Variants in MNAT1 observed in about 807,000 individuals in gnomAD.
MNAT1 encodes the protein MNAT1 component of CDK activating kinase.
Under a neutral mutation model 42.0 loss-of-function variants are expected in MNAT1, and 43 were observed. The observed-to-expected ratio is 1.02, with a 90% confidence interval of 0.80 to 1.32. The LOEUF (loss-of-function observed/expected upper bound fraction) is 1.32. Ranked by LOEUF, MNAT1 falls within the 40% of genes most tolerant of loss-of-function variation. MNAT1 has a pLI of 0.00. For synonymous variants in MNAT1, 118 were observed against 120.0 expected (o/e 0.98, Z 0.11); for missense variants, 306 against 350.4 (o/e 0.87, Z 1.01).
chr14:60,838,816 C>T (rs545028814), intron 6 of MNAT1, among the ~76,000 whole-genome samples: 1 of 152,252 alleles, frequency 6.6e-6, no homozygotes, highest in East Asian at 1.9e-4. Context: ...TGCTGCCTGG[C>T]CTTTTCCTGC....
At position 60,798,141 on chromosome 14, in the gene MNAT1, G is replaced by C. The variant is rs1253873335; in HGVS notation, c.297G>C (p.Leu99Phe). The C allele has an allele frequency of 2.0e-6, 3 of 1,505,972 alleles. No homozygotes were observed. The highest frequency in any genetic ancestry group is 2.8e-6 in the Non-Finnish European group (3 of 1,084,842). The allele number at this position is 1,505,972 out of a possible 1,614,324, so 93.3% of individuals were successfully genotyped here. Residue 99 changes from leucine (L) to phenylalanine (F), a missense_variant, in exon 3 of 8, where the codon TTG becomes TTC. By Grantham distance (22) the Leu-to-Phe change is conservative (BLOSUM62 0). Coordinates refer to ENST00000261245, the MANE Select transcript of MNAT1 (RefSeq NM_002431.4). ...FPSLREYNDF[L>F]EEVEEIVFNL... ...GTCTAAGAGAATACAATGATTTCTT[G>C]GAAGAAGTGGAAGAAATTGGTACGT...
chr14:60,835,878 C>T (rs376393964), intron 6 of MNAT1, among the ~76,000 whole-genome samples: 23 of 152,140 alleles, frequency 1.5e-4, no homozygotes, highest in Admixed American at 1.3e-3. Context: ...ACCAGTCAAA[C>T]GTAGGTTTGG....
intron 1 of MNAT1, among the ~76,000 whole-genome samples, chr14:60,745,415 C>T (rs1179400532): frequency 6.6e-6 from 1 of 151,990 alleles, no homozygotes; most frequent in Non-Finnish European, 1.5e-5. Flanking sequence ...CTATATGTAC[C>T]TCTTGCTTTT....
chr14:60,964,016 C>T (rs1566582725), intron 7 of MNAT1, among the ~76,000 whole-genome samples: 3 of 152,036 alleles, frequency 2.0e-5, no homozygotes, highest in Non-Finnish European at 4.4e-5. Flanking sequence ...GAGCTGAGTC[C>T]AAGACTTCAG....
At chr14:60,841,267 C>G (rs1242480790) in intron 6 of MNAT1, among the ~76,000 whole-genome samples, 7 of 151,656 alleles carry the variant, frequency 4.6e-5, no homozygotes, top group African/African-American at 1.7e-4. Flanking sequence ...TTTTTCTAGT[C>G]TATATTTTAT....
intron 1 of MNAT1, among the ~76,000 whole-genome samples, chr14:60,770,895 T>C (rs1455541980): frequency 6.6e-6 from 1 of 152,204 alleles, no homozygotes; most frequent in Non-Finnish European, 1.5e-5. Context: ...TGTTATATAG[T>C]ATTCCATTGT....
At chr14:60,875,908 T>C (rs1352005457) in intron 6 of MNAT1, among the ~76,000 whole-genome samples, 1 of 152,070 alleles carries the variant, frequency 6.6e-6, no homozygotes, top group Non-Finnish European at 1.5e-5. Flanking sequence ...GACCTTGCTG[T>C]CTAATTTCTG....
intron 1 of MNAT1, among the ~76,000 whole-genome samples, chr14:60,756,092 C>A (rs983807984): frequency 1.3e-4 from 20 of 152,014 alleles, no homozygotes; most frequent in Admixed American, 9.2e-4. Context: ...CTTTTTATTT[C>A]TTTCATTATG....
At chr14:60,911,354 G>A (rs1395566646) in intron 7 of MNAT1, among the ~76,000 whole-genome samples, 2 of 151,978 alleles carry the variant, frequency 1.3e-5, no homozygotes, top group African/African-American at 2.4e-5. Context: ...GTTATGTCTT[G>A]CCTTCTGCTA....
intron 7 of MNAT1, among the ~76,000 whole-genome samples, chr14:60,917,155 C>T (rs2035538154): frequency 6.6e-6 from 1 of 152,036 alleles, no homozygotes; most frequent in African/African-American, 2.4e-5. Flanking sequence ...GTTTAGGGAA[C>T]ATACTTTTAA....
intron 1 of MNAT1, among the ~76,000 whole-genome samples, chr14:60,769,817 T>C (rs1461048767): frequency 2.6e-5 from 4 of 151,942 alleles, no homozygotes. Context: ...TGGCTAGTTT[T>C]TAAAATGTGT....
At chr14:60,833,337 T>G (rs2033279734) in intron 6 of MNAT1, among the ~76,000 whole-genome samples, 1 of 152,188 alleles carries the variant, frequency 6.6e-6, no homozygotes, top group Non-Finnish European at 1.5e-5. Flanking sequence ...CTCTTGTTAT[T>G]TTGAGATACA....
At chr14:60,918,164 A>G (rs1032896473) in intron 7 of MNAT1, among the ~76,000 whole-genome samples, 2 of 149,112 alleles carry the variant, frequency 1.3e-5, no homozygotes, top group African/African-American at 2.5e-5. Flanking sequence ...AGATTTGTGA[A>G]CACCAGTTAG....
At chr14:60,803,018 C>T (rs1348063475) in intron 3 of MNAT1, among the ~76,000 whole-genome samples, 5 of 151,236 alleles carry the variant, frequency 3.3e-5, no homozygotes, top group African/African-American at 7.3e-5. Context: ...CTGCATCCTC[C>T]GCCTCCCGGG....
chr14:60,772,267 A>G (rs1458474517), intron 1 of MNAT1, among the ~76,000 whole-genome samples: 3 of 152,184 alleles, frequency 2.0e-5, no homozygotes, highest in Admixed American at 2.0e-4. Flanking sequence ...ACATCTCTAA[A>G]GAAATTGACA....
chr14:60,785,515 G>A (rs1381668418), intron 1 of MNAT1, among the ~76,000 whole-genome samples: 1 of 152,096 alleles, frequency 6.6e-6, no homozygotes, highest in Non-Finnish European at 1.5e-5. Context: ...TGAGAACATT[G>A]TATTTTTAGA....
chr14:60,868,421 T>C (rs1029459532), intron 6 of MNAT1, among the ~76,000 whole-genome samples: 3 of 152,212 alleles, frequency 2.0e-5, no homozygotes, highest in African/African-American at 7.2e-5. Context: ...GAATGAAATA[T>C]TCTGGTTTCT....
chr14:60,951,733 C>G (rs1196902046), intron 7 of MNAT1, among the ~76,000 whole-genome samples: 1 of 151,970 alleles, frequency 6.6e-6, no homozygotes, highest in Non-Finnish European at 1.5e-5. Flanking sequence ...GTCATGTCTT[C>G]TGACTCTTTT....
intron 1 of MNAT1, among the ~76,000 whole-genome samples, chr14:60,793,148 C>T (rs1399166890): frequency 1.3e-5 from 2 of 151,050 alleles, no homozygotes; most frequent in East Asian, 3.9e-4. Flanking sequence ...GGGACGCAAG[C>T]GTGTGCCACC....
Sources: gnomAD v4.1 joint callset for allele counts (sites outside exome capture counted in the v4.1 genomes callset) on GRCh38, gnomAD v4.1.1 for gene constraint, MANE v1.5 for transcripts, NCBI Gene and HGNC (gene_info 2026-07-23, HGNC 2026-07-21) for gene names.